DNAH8: variants seen among roughly 807,000 people sequenced by gnomAD.
The protein encoded by DNAH8 is dynein axonemal heavy chain 8.
In DNAH8, 382 loss-of-function variants were observed where a neutral mutation model predicts 562.1. That is an observed-to-expected ratio of 0.68 (90% CI 0.63 to 0.74). The LOEUF (loss-of-function observed/expected upper bound fraction) is 0.74. Ranked by LOEUF, DNAH8 falls within the 30% of genes least tolerant of loss-of-function variation. The pLI, the probability that DNAH8 is intolerant of heterozygous loss-of-function variation, is 0.00. For missense variants in DNAH8, 5,203 were observed against 5,620.4 expected, an observed-to-expected ratio of 0.93 and a Z score of 2.37; for synonymous variants, 1,881 against 1,919.4, an observed-to-expected ratio of 0.98 and a Z score of 0.52.
rs1283735349 is a variant in DNAH8 at position 38,842,752 on chromosome 6, T to C, written c.4694T>C (p.Leu1565Pro). 2 of 1,613,964 alleles carry C rather than the reference T, an allele frequency of 1.2e-6. No homozygotes were observed. Among genetic ancestry groups the C allele is most frequent in the East Asian group, 4.5e-5 (2 of 44,824 alleles). Residue 1565 changes from leucine (L) to proline (P), a missense_variant, in exon 35 of 93, where the codon CTA (leucine) becomes CCA (proline). Leu to Pro is a moderately conservative substitution (Grantham distance 98, BLOSUM62 -3). Coordinates refer to ENST00000327475, the MANE Select transcript of DNAH8 (RefSeq NM_001206927.2). ...GATGATTTCAGTGAGTCATGTCCTCTACTGGAAATGATGACCAATAAGGCC... is the reference window on the plus strand; with the variant it reads ...GATGATTTCAGTGAGTCATGTCCTCCACTGGAAATGATGACCAATAAGGCC... Reference protein sequence around the residue: ...RIDDFSESCPLLEMMTNKAMK... With the variant: ...RIDDFSESCPPLEMMTNKAMK...
intron 49 of DNAH8, 133 bp downstream of exon 49, chr6:38,870,695 A>G (rs750602152): frequency 4.9e-5 from 44 of 891,116 alleles, no homozygotes; most frequent in Non-Finnish European, 6.4e-5. Context: ...CATCATTGCA[A>G]AAAGAATACT....
chr6:38,974,068 A>C (rs539273514), intron 84 of DNAH8, among the ~76,000 whole-genome samples: 1 of 152,308 alleles, frequency 6.6e-6, no homozygotes, highest in South Asian at 2.1e-4. Context: ...AGTTTATACA[A>C]TGCTGAACTT....
rs907018999 is a variant in DNAH8 at position 39,030,328 on chromosome 6, G to A, written c.14060G>A (p.Arg4687Gln). The A allele has an allele frequency of 3.1e-6, 5 of 1,613,836 alleles. No homozygotes were observed. The highest frequency in any genetic ancestry group is 2.7e-5 in the African/African-American group (2 of 74,872). ...DLTFITVVYL[R>Q]TVLSPDHWIL... ...ACCTTCATCACTGTGGTATATTTAC[G>A]AACAGTGTTGTCCCCGGATCACTGG... Residue 4687 changes from arginine (R) to glutamine (Q), a missense_variant, in exon 93 of 93, where the codon CGA (arginine) becomes CAA (glutamine). By Grantham distance (43) the Arg-to-Gln change is conservative. Transcript: ENST00000327475.
At chr6:38,720,342 C>A (rs1762652313) in intron 1 of DNAH8, among the ~76,000 whole-genome samples, 1 of 152,182 alleles carries the variant, frequency 6.6e-6, no homozygotes, top group South Asian at 2.1e-4. Flanking sequence ...AAGAAGACAC[C>A]AAATCAGAGT....
Position 38,875,681 on chromosome 6 carries a change from C to T in DNAH8, c.7711C>T (p.Leu2571=), listed in dbSNP as rs1271620538. The T allele has an allele frequency of 8.7e-6, 14 of 1,613,692 alleles. No individual in the cohort carries two copies. The highest frequency in any genetic ancestry group is 1.0e-5 in the Non-Finnish European group (12 of 1,179,792). ...TCTTCATAAATTATTTGTGTTTGGC[C>T]TAATGTGGAGTTTAGGAGCCCTTCT... ...EHLHKLFVFG[L]MWSLGALLEL... is the part of the protein sequence containing the mutation. Residue 2571 remains leucine, a synonymous_variant, in exon 53 of 93, where the codon CTA becomes TTA. Coordinates refer to ENST00000327475, the MANE Select transcript of DNAH8 (RefSeq NM_001206927.2).
chr6:38,926,500 A>G (rs1412750752), intron 74 of DNAH8, among the ~76,000 whole-genome samples: 3 of 152,142 alleles, frequency 2.0e-5, no homozygotes, highest in African/African-American at 7.2e-5. Context: ...CCTATAGGAA[A>G]GTGGCAAATA....
chr6:38,841,407 A>G (rs1774776603), intron 33 of DNAH8, among the ~76,000 whole-genome samples: 1 of 152,210 alleles, frequency 6.6e-6, no homozygotes, highest in Non-Finnish European at 1.5e-5. Flanking sequence ...CAACAGAGTG[A>G]GATTCTCTCT....
chr6:38,849,870 C>T (rs1775605643), intron 37 of DNAH8, among the ~76,000 whole-genome samples: 1 of 151,932 alleles, frequency 6.6e-6, no homozygotes, highest in Admixed American at 6.6e-5. Context: ...TTCCAAGGAT[C>T]CTGAGATCAA....
intron 28 of DNAH8, among the ~76,000 whole-genome samples, chr6:38,824,076 C>T (rs1773108340): frequency 6.6e-6 from 1 of 152,090 alleles, no homozygotes; most frequent in Non-Finnish European, 1.5e-5. Flanking sequence ...TGAGATGGGA[C>T]TCAAACAGTT....
At chr6:38,813,329 C>A (rs955659129) in intron 24 of DNAH8, among the ~76,000 whole-genome samples, 1 of 152,110 alleles carries the variant, frequency 6.6e-6, no homozygotes, top group Non-Finnish European at 1.5e-5. Flanking sequence ...TATCTGGGAA[C>A]CATTGGCCCT....
At chr6:39,007,693 G>T (rs1273501150) in intron 88 of DNAH8, among the ~76,000 whole-genome samples, 3 of 152,024 alleles carry the variant, frequency 2.0e-5, no homozygotes, top group Non-Finnish European at 4.4e-5. Context: ...TAGCTCACTA[G>T]CTCCAAGCTC....
At chr6:38,813,100 A>G (rs1771940450) in intron 24 of DNAH8, among the ~76,000 whole-genome samples, 1 of 152,202 alleles carries the variant, frequency 6.6e-6, no homozygotes, top group Non-Finnish European at 1.5e-5. Flanking sequence ...CTAATTTGCT[A>G]TATAAGGTAC....
At chr6:38,780,979 G>C (rs1025565159) in intron 15 of DNAH8, among the ~76,000 whole-genome samples, 1 of 152,006 alleles carries the variant, frequency 6.6e-6, no homozygotes, top group African/African-American at 2.4e-5. Context: ...GTAGCTATGT[G>C]CTCCGTTTGA....
intron 85 of DNAH8, among the ~76,000 whole-genome samples, chr6:38,981,468 T>C (rs560649573): frequency 6.6e-6 from 1 of 152,336 alleles, no homozygotes; most frequent in South Asian, 2.1e-4. Context: ...CACAGGAGTC[T>C]CTTAGGCCCT....
At chr6:38,814,972 C>G (rs140340873) in intron 25 of DNAH8, among the ~76,000 whole-genome samples, 1 of 152,132 alleles carries the variant, frequency 6.6e-6, no homozygotes, top group Non-Finnish European at 1.5e-5. Flanking sequence ...CAGGCAGAAA[C>G]GGTCCGTGAC....
intron 26 of DNAH8, among the ~76,000 whole-genome samples, chr6:38,816,855 T>A (rs1772328255): frequency 6.6e-6 from 1 of 152,186 alleles, no homozygotes; most frequent in African/African-American, 2.4e-5. Flanking sequence ...AGCTTTTTTT[T>A]ATATATGTTT....
intron 52 of DNAH8, among the ~76,000 whole-genome samples, chr6:38,873,727 T>TACACACACACACACACAC (rs762717515): frequency 3.1e-5 from 3 of 96,420 alleles, no homozygotes; most frequent in Non-Finnish European, 4.6e-5. Flanking sequence ...CACATACACC[T>TACACACACACACACACAC]ACACACACAC....
chr6:38,944,167 C>CAGG (rs879283427), intron 79 of DNAH8, among the ~76,000 whole-genome samples: 8,773 of 152,182 alleles, frequency 0.058, 538 homozygotes, highest in Admixed American at 0.17. Context: ...TCTCTAGTGG[C>CAGG]TGCTTCTCGC....
At position 38,786,917 on chromosome 6, in the gene DNAH8, G is replaced by T; in HGVS notation, c.2548G>T (p.Glu850Ter). ...PEQAKRLLKL[E>*]SKLKADKLYL... Reference sequence around the variant, plus strand: ...ACAGGCAAAGAGATTGCTAAAATTGGAAAGTAAATTGAAAGCAGACAAACT... The same window carrying T: ...ACAGGCAAAGAGATTGCTAAAATTGTAAAGTAAATTGAAAGCAGACAAACT... Residue 850 changes from glutamate to a stop codon, truncating the protein, a stop_gained, in exon 18 of 93, where the codon GAA becomes TAA. Coordinates refer to ENST00000327475, the MANE Select transcript of DNAH8 (RefSeq NM_001206927.2). LOFTEE classifies it high-confidence loss of function. 1 of 1,609,602 alleles carries T rather than the reference G, an allele frequency of 6.2e-7. No homozygotes were observed. The highest frequency in any genetic ancestry group is 8.5e-7 in the Non-Finnish European group (1 of 1,177,980).
Sources: gnomAD v4.1 joint callset for allele counts (sites outside exome capture counted in the v4.1 genomes callset) on GRCh38, gnomAD v4.1.1 for gene constraint, MANE v1.5 for transcripts, NCBI Gene and HGNC (gene_info 2026-07-23, HGNC 2026-07-21) for gene names.